Variants in CNTN6 observed in about 807,000 individuals in gnomAD.
CNTN6 encodes contactin 6, also known as contactin-6.
CNTN6 carries 137 observed loss-of-function variants against 122.8 expected under a neutral mutation model. That is an observed-to-expected ratio of 1.12 (90% CI 0.97 to 1.29). CNTN6 has a LOEUF of 1.29. CNTN6 is among the 50% of genes most tolerant of loss of function. The pLI is 0.00. For missense variants in CNTN6, 1,634 were observed against 1,223.4 expected (o/e 1.34, Z -5.01); for synonymous variants, 570 against 426.0 (o/e 1.34, Z -4.16).
At chr3:1,281,635 T>C (rs746389606) in intron 5 of CNTN6, among the ~76,000 whole-genome samples, 7 of 152,056 alleles carry the variant, frequency 4.6e-5, no homozygotes, top group South Asian at 2.1e-4. Context: ...CACCTAATTT[T>C]TGTATTTTTA....
chr3:1,178,745 G>A (rs2093499676), intron 2 of CNTN6, among the ~76,000 whole-genome samples: 1 of 152,186 alleles, frequency 6.6e-6, no homozygotes, highest in Non-Finnish European at 1.5e-5. Context: ...GGAAGTTTGA[G>A]CAATGTAGTC....
Position 1,271,863 on chromosome 3 carries a change from G to A in CNTN6, c.359-6550G>A, listed in dbSNP as rs543778030. Among the ~76,000 whole-genome samples the A allele has an allele frequency of 2.6e-5, 4 of 152,230 alleles. No individual in the cohort carries two copies. The South Asian group carries it at 8.3e-4, about 32-fold the overall frequency. ...GGAGACCCCAGGTAACATCTGGAGA[G>A]CAGTGTTTTAGTGTGAACCGTGGAA... On this transcript the variant is annotated intron_variant, in intron 4 of 22. Transcript: ENST00000446702.
At chr3:1,331,441 A>T (rs1702277131) in intron 11 of CNTN6, among the ~76,000 whole-genome samples, 2 of 151,992 alleles carry the variant, frequency 1.3e-5, no homozygotes, top group African/African-American at 4.8e-5. Flanking sequence ...GGTGCTTCAG[A>T]ACTAAGGTGA....
intron 2 of CNTN6, among the ~76,000 whole-genome samples, chr3:1,159,784 T>C (rs1376879342): frequency 1.3e-5 from 2 of 151,700 alleles, no homozygotes; most frequent in Non-Finnish European, 2.9e-5. Flanking sequence ...AAATTTAGAG[T>C]TAATTTATCT....
chr3:1,385,766 C>A lies in CNTN6; in HGVS notation c.2673C>A (p.Ser891Arg), dbSNP rs201612169. Residue 891 changes from serine (S) to arginine (R), a missense_variant, in exon 20 of 23, where the codon AGC becomes AGA. Physicochemically the swap from Ser to Arg is moderately radical, Grantham distance 110 (BLOSUM62 -1). Transcript: ENST00000446702. ...AYNTAGTGPS[S>R]PPVNVTTKKS... ...ACACTGCTGGGACAGGGCCCTCAAG[C>A]CCCCCAGTCAATGTTACCACCAAAA... 1 of 1,611,828 alleles carries A rather than the reference C, an allele frequency of 6.2e-7. No individual in the cohort carries two copies. The highest frequency in any genetic ancestry group is 8.5e-7 in the Non-Finnish European group (1 of 1,179,204).
At chr3:1,190,672 G>T (rs1301973765) in intron 2 of CNTN6, among the ~76,000 whole-genome samples, 1 of 152,132 alleles carries the variant, frequency 6.6e-6, no homozygotes, top group African/African-American at 2.4e-5. Context: ...AAAGCAGAAT[G>T]GTACAGGAAA....
intron 4 of CNTN6, among the ~76,000 whole-genome samples, chr3:1,236,984 G>A (rs543780511): frequency 1.9e-3 from 286 of 152,070 alleles, no homozygotes; most frequent in African/African-American, 6.3e-3. Flanking sequence ...GGAAGGCTGA[G>A]GTAGGAGAAT....
intron 1 of CNTN6, among the ~76,000 whole-genome samples, chr3:1,140,356 T>C (rs1004164428): frequency 2.0e-5 from 3 of 152,092 alleles, no homozygotes; most frequent in African/African-American, 7.2e-5. Context: ...AGAGGTCACA[T>C]AGTAGGGGGG....
At position 1,399,416 on chromosome 3, in the gene CNTN6, C is replaced by T. The variant is rs1024596414; in HGVS notation, c.2705-2017C>T. Among the ~76,000 whole-genome samples the T allele has an allele frequency of 3.9e-5, 6 of 152,024 alleles. No individual in the cohort carries two copies. In the East Asian group the frequency reaches 5.8e-4, roughly 15 times the overall value. The stretch of plus-strand genomic sequence containing the variant: ...TGATAAGCATTATAAATGACAAGTA[C>T]GTTGTACATTGACAAGCAAAGTAAT... On this transcript the variant is annotated intron_variant, in intron 20 of 22. Transcript: ENST00000446702.
rs751757877 is a variant in CNTN6, at chr3:1,235,685, AC to A, written c.358+7694del. 2.6e-4 allele frequency among the ~76,000 whole-genome samples: 40 copies of A among 152,158 alleles called. 1 individual carries two copies. Among genetic ancestry groups the A allele is most frequent in the Non-Finnish European group, 4.8e-4 (33 of 68,044 alleles). On this transcript the variant is annotated intron_variant, in intron 4 of 22. Transcript: ENST00000446702. The stretch of plus-strand genomic sequence containing the variant: ...GCCCCAGAAACTACCCCAGGAACAT[AC>A]CAGGAAAGCCGAGAGAATCCACAAA...
chr3:1,136,793 G>C (rs189777039), intron 1 of CNTN6, among the ~76,000 whole-genome samples: 4 of 152,302 alleles, frequency 2.6e-5, no homozygotes, highest in Admixed American at 6.5e-5. Flanking sequence ...TCAGGATTCT[G>C]ATGATACTGG....
At chr3:1,243,111 GA>G (rs1463221273) in intron 4 of CNTN6, among the ~76,000 whole-genome samples, 7 of 152,214 alleles carry the variant, frequency 4.6e-5, no homozygotes, top group African/African-American at 1.7e-4. Context: ...GAGTCAGTCA[GA>G]GAGCCTTGGG....
At chr3:1,180,146 C>T (rs965289092) in intron 2 of CNTN6, among the ~76,000 whole-genome samples, 1 of 151,640 alleles carries the variant, frequency 6.6e-6, no homozygotes, top group African/African-American at 2.4e-5. Flanking sequence ...GTCTCTGAAA[C>T]TTAATTTCAA....
At chr3:1,101,343 G>T (rs2090886110) in intron 1 of CNTN6, among the ~76,000 whole-genome samples, 1 of 152,080 alleles carries the variant, frequency 6.6e-6, no homozygotes, top group African/African-American at 2.4e-5. Flanking sequence ...GCCTCTGAGG[G>T]CTTACCTCTT....
chr3:1,166,116 G>T (rs1206858364), intron 2 of CNTN6, among the ~76,000 whole-genome samples: 3 of 152,220 alleles, frequency 2.0e-5, no homozygotes, highest in Non-Finnish European at 4.4e-5. Context: ...CTGGCATGCA[G>T]GGGCAGCTCA....
intron 7 of CNTN6, chr3:1,298,303 G>A (rs1002512050): frequency 9.1e-5 from 18 of 198,234 alleles, no homozygotes; most frequent in African/African-American, 3.0e-4. Context: ...AAGATGATGG[G>A]CAAGTCACTA....
At position 1,401,476 on chromosome 3, in the gene CNTN6, C is replaced by T; in HGVS notation, c.2748C>T (p.Asn916=). The T allele has an allele frequency of 1.2e-6, 2 of 1,612,090 alleles. No individual in the cohort carries two copies. Among genetic ancestry groups the T allele is most frequent in the Non-Finnish European group, 1.7e-6 (2 of 1,178,684 alleles). ...CAAACATTGCCTGGAAGCTGACAAACTCTAAATTATGCTTGAACTGGGAGC... is the reference window on the plus strand; with the variant it reads ...CAAACATTGCCTGGAAGCTGACAAATTCTAAATTATGCTTGAACTGGGAGC... ...PPANIAWKLT[N]SKLCLNWEHV... Residue 916 remains asparagine (N), a synonymous_variant, in exon 21 of 23, where the codon AAC becomes AAT. Transcript: ENST00000446702.
At chr3:1,103,579 C>A (rs917146465) in intron 1 of CNTN6, among the ~76,000 whole-genome samples, 1 of 152,130 alleles carries the variant, frequency 6.6e-6, no homozygotes, top group Non-Finnish European at 1.5e-5. Context: ...TAAACAGAAA[C>A]AACTTTCTCA....
At chr3:1,223,653 G>A (rs1263387302) in intron 3 of CNTN6, among the ~76,000 whole-genome samples, 2 of 152,144 alleles carry the variant, frequency 1.3e-5, no homozygotes, top group Non-Finnish European at 2.9e-5. Flanking sequence ...TTGGAAAAAT[G>A]AAATAACATA....
Sources: allele counts gnomAD v4.1 joint callset (sites outside exome capture counted in the v4.1 genomes callset), GRCh38; gene constraint gnomAD v4.1.1; transcripts MANE v1.5; gene names NCBI Gene and HGNC (gene_info 2026-07-23, HGNC 2026-07-21).